Variants in RAD51B observed in about 807,000 individuals in gnomAD.
RAD51B encodes RAD51 paralog B.
A neutral mutation model predicts 42.2 loss-of-function variants in RAD51B; 38 were observed. That is an observed-to-expected ratio of 0.90 (90% CI 0.70 to 1.18). The LOEUF is 1.18. Ranked by LOEUF, RAD51B falls within the 50% of genes most tolerant of loss-of-function variation. RAD51B has a pLI of 0.00. For synonymous variants in RAD51B, 154 were observed against 145.2 expected (o/e 1.06, Z -0.43); for missense variants, 373 against 400.7 (o/e 0.93, Z 0.59).
chr14:68,432,328 T>C (rs1458319399), intron 9 of RAD51B, among the ~76,000 whole-genome samples: 5 of 152,202 alleles, frequency 3.3e-5, no homozygotes, highest in African/African-American at 1.2e-4. Context: ...GTCTCATTGA[T>C]CTGTCTAATG....
chr14:68,389,941 C>G (rs991851335), intron 8 of RAD51B, among the ~76,000 whole-genome samples: 1 of 152,072 alleles, frequency 6.6e-6, no homozygotes, highest in African/African-American at 2.4e-5. Flanking sequence ...AGGTATTCTG[C>G]GAATATGTAA....
chr14:68,126,955 G>A (rs756928510), intron 7 of RAD51B, among the ~76,000 whole-genome samples: 5 of 152,160 alleles, frequency 3.3e-5, no homozygotes, highest in African/African-American at 4.8e-5. Context: ...AATAATTTAT[G>A]TCTGCTGGTA....
chr14:68,101,992 C>T (rs2077298404), intron 7 of RAD51B, among the ~76,000 whole-genome samples: 1 of 152,218 alleles, frequency 6.6e-6, no homozygotes, highest in Admixed American at 6.5e-5. Context: ...TTCTGTGCAT[C>T]CATAGGTCCA....
At chr14:67,946,216 A>G (rs2045385552) in intron 7 of RAD51B, among the ~76,000 whole-genome samples, 1 of 152,266 alleles carries the variant, frequency 6.6e-6, no homozygotes, top group African/African-American at 2.4e-5. Flanking sequence ...TTTTAATCAG[A>G]TAAATGATTA....
intron 7 of RAD51B, among the ~76,000 whole-genome samples, chr14:68,169,544 T>C (rs1010511643): frequency 6.6e-6 from 1 of 152,230 alleles, no homozygotes; most frequent in Non-Finnish European, 1.5e-5. Context: ...CTTTTAAATA[T>C]ATTTTAAATA....
At chr14:68,639,324 G>T (rs905457538) in intron 10 of RAD51B, among the ~76,000 whole-genome samples, 2 of 152,204 alleles carry the variant, frequency 1.3e-5, no homozygotes, top group African/African-American at 4.8e-5. Flanking sequence ...TTCAACATGT[G>T]GCTCCACGGT....
In RAD51B at chr14:68,019,695, T is replaced by C. The variant is rs576741982; in HGVS notation, c.756+132491T>C. Among the ~76,000 whole-genome samples, 101 of 152,292 alleles carry C rather than the reference T, an allele frequency of 6.6e-4. 1 individual carries two copies. Among genetic ancestry groups the C allele is most frequent in the African/African-American group, 2.4e-3 (101 of 41,544 alleles). On this transcript the variant is annotated intron_variant, in intron 7 of 10. Transcript: ENST00000471583. ...GAGTGGCCCTGGATCCAATTCCCAGTATATGCCAAGGGATGACTGTGATTT... is the reference window on the plus strand; with the variant it reads ...GAGTGGCCCTGGATCCAATTCCCAGCATATGCCAAGGGATGACTGTGATTT...
At chr14:68,077,013 T>A (rs2076844934) in intron 7 of RAD51B, among the ~76,000 whole-genome samples, 1 of 152,134 alleles carries the variant, frequency 6.6e-6, no homozygotes, top group South Asian at 2.1e-4. Flanking sequence ...GATACTCTAA[T>A]TTATTTAGTT....
At chr14:67,988,772 G>C (rs2075239019) in intron 7 of RAD51B, among the ~76,000 whole-genome samples, 1 of 152,138 alleles carries the variant, frequency 6.6e-6, no homozygotes, top group South Asian at 2.1e-4. Context: ...TTGATCTTCT[G>C]TTTTGACACA....
In RAD51B at chr14:68,195,924, AACAACAATTAGG is replaced by A. The variant is rs1195480798; in HGVS notation, c.757-95959_757-95948del. 6.0e-5 allele frequency among the ~76,000 whole-genome samples: 8 copies of A among 133,918 alleles called. No individual in the cohort carries two copies. The South Asian group carries it at 1.0e-3, about 17-fold the overall frequency. The allele number at this position is 133,918 out of a possible 152,430, so 87.9% of individuals were successfully genotyped here. On this transcript the variant is annotated intron_variant, in intron 7 of 10. Coordinates refer to ENST00000471583, the MANE Select transcript of RAD51B (RefSeq NM_133510.4). ...GCTCTGTTTCAAAAAAAAAAAAAAAAACAACAATTAGGGGCCAGGTGCAATGGCTCATGCCTG... is the reference window on the plus strand; with the variant it reads ...GCTCTGTTTCAAAAAAAAAAAAAAAAGGCCAGGTGCAATGGCTCATGCCTG...
At chr14:68,647,443 C>T (rs941046358) in intron 10 of RAD51B, among the ~76,000 whole-genome samples, 2 of 151,950 alleles carry the variant, frequency 1.3e-5, no homozygotes, top group Non-Finnish European at 2.9e-5. Context: ...ATAGTCTCTT[C>T]TTATTTTTCT....
intron 7 of RAD51B, among the ~76,000 whole-genome samples, chr14:68,165,303 T>C (rs557717548): frequency 6.6e-6 from 1 of 152,296 alleles, no homozygotes; most frequent in Non-Finnish European, 1.5e-5. Flanking sequence ...TTTGTACTAG[T>C]TAACATTATG....
chr14:68,062,827 A>G (rs1304274808), intron 7 of RAD51B, among the ~76,000 whole-genome samples: 1 of 149,598 alleles, frequency 6.7e-6, no homozygotes. Context: ...AAAAAAAAAA[A>G]AAAAGAAAAA....
chr14:68,131,691 A>G (rs2077896125), intron 7 of RAD51B, among the ~76,000 whole-genome samples: 1 of 152,112 alleles, frequency 6.6e-6, no homozygotes, highest in African/African-American at 2.4e-5. Context: ...GCGAAACTCT[A>G]TCTCAAAAAA....
chr14:68,125,451 C>A, intron 7 of RAD51B: 1 of 152,176 alleles, frequency 6.6e-6, no homozygotes, highest in East Asian at 1.9e-4. Flanking sequence ...AAGTAGCTGG[C>A]TGTGTAATTC....
At chr14:67,844,539 A>G (rs1371272946) in intron 4 of RAD51B, among the ~76,000 whole-genome samples, 2 of 151,048 alleles carry the variant, frequency 1.3e-5, no homozygotes, top group African/African-American at 4.9e-5. Flanking sequence ...TGCTGCATAT[A>G]TAGGATAATT....
At chr14:68,100,222 C>T (rs1414934606) in intron 7 of RAD51B, among the ~76,000 whole-genome samples, 2 of 152,078 alleles carry the variant, frequency 1.3e-5, no homozygotes, top group African/African-American at 2.4e-5. Context: ...ATATGAATTT[C>T]TTTATTAGAA....
chr14:68,356,789 G>A (rs1483075762), intron 8 of RAD51B, among the ~76,000 whole-genome samples: 4 of 151,818 alleles, frequency 2.6e-5, no homozygotes, highest in African/African-American at 9.7e-5. Flanking sequence ...AGACCATCCC[G>A]GCTAAAACGG....
intron 7 of RAD51B, among the ~76,000 whole-genome samples, chr14:67,898,404 T>A (rs2043495016): frequency 6.6e-6 from 1 of 151,858 alleles, no homozygotes; most frequent in East Asian, 1.9e-4. Flanking sequence ...GAGCAAAGAG[T>A]AGAATGGTGA....
Sources: gnomAD v4.1 joint callset for allele counts (sites outside exome capture counted in the v4.1 genomes callset) on GRCh38, gnomAD v4.1.1 for gene constraint, MANE v1.5 for transcripts, NCBI Gene and HGNC (gene_info 2026-07-23, HGNC 2026-07-21) for gene names.